Variants in MYO3B observed in about 807,000 individuals in gnomAD.
MYO3B encodes myosin-IIIb.
In MYO3B, 156 loss-of-function variants were observed where a neutral mutation model predicts 174.6. The ratio of observed to expected loss-of-function variants is 0.89; its 90% CI spans 0.78 to 1.02. The LOEUF (loss-of-function observed/expected upper bound fraction) is 1.02. Among genes scored for constraint, MYO3B ranks in the 50% least tolerant of loss-of-function variants. The pLI is 0.00. For synonymous variants in MYO3B, 563 were observed against 569.1 expected (o/e 0.99, Z 0.15); for missense variants, 1,632 against 1,639.4 (o/e 1.00, Z 0.08).
Position 170,526,276 on chromosome 2 carries a change from A to G in MYO3B, c.3575+6736A>G, listed in dbSNP as rs937836809. Among the ~76,000 whole-genome samples, 3 of 152,206 alleles carry G rather than the reference A, an allele frequency of 2.0e-5. No homozygotes were observed. In the South Asian group the frequency reaches 6.2e-4, roughly 32 times the overall value. On this transcript the variant is annotated intron_variant, in intron 30 of 34. Transcript: ENST00000408978. The stretch of plus-strand genomic sequence containing the variant: ...CAAAGGAACTAGCACAGTTCTAGAC[A>G]TGTAATGAATACTCAATAAGAGATT...
intron 30 of MYO3B, among the ~76,000 whole-genome samples, chr2:170,539,293 G>A (rs777033836): frequency 6.6e-5 from 10 of 152,126 alleles, no homozygotes; most frequent in Admixed American, 3.3e-4. Context: ...TATGCTTTGC[G>A]TAGACTGTAA....
At chr2:170,362,827 C>G (rs930238596) in intron 8 of MYO3B, among the ~76,000 whole-genome samples, 3 of 152,214 alleles carry the variant, frequency 2.0e-5, no homozygotes, top group Admixed American at 6.5e-5. Flanking sequence ...TGATGTTTCA[C>G]AGAAATACCA....
intron 22 of MYO3B, among the ~76,000 whole-genome samples, chr2:170,408,102 T>A (rs1032874018): frequency 1.3e-5 from 2 of 152,238 alleles, no homozygotes; most frequent in Non-Finnish European, 2.9e-5. Context: ...ACTCTTAGAC[T>A]TTCTTGTCCT....
chr2:170,414,023 G>A (rs2094562570), intron 22 of MYO3B, among the ~76,000 whole-genome samples: 1 of 152,042 alleles, frequency 6.6e-6, no homozygotes, highest in African/African-American at 2.4e-5. Context: ...CTGGGTGACA[G>A]AGCGAGACTC....
chr2:170,547,515 G>C (rs932159411), intron 32 of MYO3B, among the ~76,000 whole-genome samples: 3 of 152,092 alleles, frequency 2.0e-5, no homozygotes, highest in African/African-American at 7.2e-5. Context: ...TTTTACTAAT[G>C]CAAATGGTTA....
At chr2:170,626,231 G>A (rs1696415269) in intron 32 of MYO3B, among the ~76,000 whole-genome samples, 1 of 152,078 alleles carries the variant, frequency 6.6e-6, no homozygotes, top group African/African-American at 2.4e-5. Flanking sequence ...TATGAATCTG[G>A]GTGCTCCTGT....
intron 7 of MYO3B, among the ~76,000 whole-genome samples, chr2:170,289,452 T>C (rs1289381492): frequency 1.3e-5 from 2 of 152,058 alleles, no homozygotes; most frequent in Admixed American, 6.5e-5. Flanking sequence ...GGTTCTATGA[T>C]TCCGGGAGTT....
chr2:170,593,952 C>T (rs1476428260), intron 32 of MYO3B, among the ~76,000 whole-genome samples: 1 of 152,170 alleles, frequency 6.6e-6, no homozygotes, highest in Non-Finnish European at 1.5e-5. Context: ...ACACTGTCAC[C>T]AACTGTTAGT....
intron 1 of MYO3B, among the ~76,000 whole-genome samples, chr2:170,195,228 G>A (rs376931941): frequency 6.6e-6 from 1 of 151,968 alleles, no homozygotes; most frequent in Non-Finnish European, 1.5e-5. Flanking sequence ...TGGCTCCAGT[G>A]GGAAGAGGCA....
At chr2:170,508,525 C>T (rs1423204971) in intron 28 of MYO3B, among the ~76,000 whole-genome samples, 1 of 152,160 alleles carries the variant, frequency 6.6e-6, no homozygotes, top group Non-Finnish European at 1.5e-5. Flanking sequence ...TTTGTTTTAC[C>T]TCTTAACAGA....
At chr2:170,220,314 A>G (rs973407846) in intron 6 of MYO3B, among the ~76,000 whole-genome samples, 4 of 150,748 alleles carry the variant, frequency 2.7e-5, no homozygotes, top group African/African-American at 9.8e-5. Flanking sequence ...TGACTTTCCA[A>G]CTTTAACTGG....
At chr2:170,551,053 C>A (rs1329785235) in intron 32 of MYO3B, among the ~76,000 whole-genome samples, 3 of 151,892 alleles carry the variant, frequency 2.0e-5, no homozygotes, top group African/African-American at 7.3e-5. Context: ...CCTGAGCCAC[C>A]ACACCTGGCT....
chr2:170,274,571 A>G (rs1159700046), intron 7 of MYO3B, among the ~76,000 whole-genome samples: 4 of 152,148 alleles, frequency 2.6e-5, no homozygotes, highest in African/African-American at 9.7e-5. Flanking sequence ...ATTATTCTGT[A>G]GAGTCAAAAC....
chr2:170,406,476 A>G (rs2105811050), intron 21 of MYO3B, among the ~76,000 whole-genome samples: 1 of 152,254 alleles, frequency 6.6e-6, no homozygotes. Context: ...ACTTTATGGT[A>G]TCTATTTTGG....
chr2:170,280,898 G>A (rs1333330520), intron 7 of MYO3B, among the ~76,000 whole-genome samples: 1 of 152,120 alleles, frequency 6.6e-6, no homozygotes, highest in Admixed American at 6.6e-5. Flanking sequence ...ATAGTTTAAA[G>A]TTTAGTAATA....
chr2:170,352,592 C>T (rs185523019), intron 8 of MYO3B, among the ~76,000 whole-genome samples: 109 of 152,202 alleles, frequency 7.2e-4, no homozygotes, highest in African/African-American at 2.4e-3. Context: ...TGGCTGGTTG[C>T]GGATAGGGGT....
chr2:170,516,598 G>A (rs562599506), intron 29 of MYO3B, among the ~76,000 whole-genome samples: 86 of 149,598 alleles, frequency 5.7e-4, no homozygotes, highest in African/African-American at 1.9e-3. Flanking sequence ...AGCCGAGATC[G>A]CGCCACTGAA....
intron 25 of MYO3B, among the ~76,000 whole-genome samples, chr2:170,486,424 C>A (rs1188900914): frequency 6.6e-6 from 1 of 151,734 alleles, no homozygotes; most frequent in Non-Finnish European, 1.5e-5. Flanking sequence ...CTTGCCTCAG[C>A]CTCCCAAGTA....
At chr2:170,369,442 G>C in intron 9 of MYO3B, 65 bp downstream of exon 9, 2 of 1,533,858 alleles carry the variant, frequency 1.3e-6, no homozygotes, top group South Asian at 1.2e-5. Context: ...CATGTGTTTT[G>C]ATTTGCCCAG....
Sources: allele counts gnomAD v4.1 joint callset (sites outside exome capture counted in the v4.1 genomes callset), GRCh38; gene constraint gnomAD v4.1.1; transcripts MANE v1.5; gene names NCBI Gene and HGNC (gene_info 2026-07-23, HGNC 2026-07-21).